The following PIAS2 variants were observed in gnomAD, a reference collection of about 807,000 sequenced individuals.
PIAS2 encodes the protein E3 SUMO-protein ligase PIAS2.
A neutral mutation model predicts 69.7 loss-of-function variants in PIAS2; 19 were observed. That is an observed-to-expected ratio of 0.27 (90% confidence interval 0.19 to 0.40). The LOEUF (loss-of-function observed/expected upper bound fraction) is 0.40. Among genes scored for constraint, PIAS2 ranks in the 10% least tolerant of loss-of-function variants. PIAS2 has a pLI of 1.00. For synonymous variants in PIAS2, 261 were observed against 263.2 expected, an observed-to-expected ratio of 0.99 and a Z score of 0.08; for missense variants, 624 against 757.0, an observed-to-expected ratio of 0.82 and a Z score of 2.06.
intron 1 of PIAS2, among the ~76,000 whole-genome samples, chr18:46,898,982 G>A (rs2055346105): frequency 6.8e-6 from 1 of 147,704 alleles, no homozygotes. Flanking sequence ...GTGACAGAGT[G>A]AGACTCCATC....
intron 8 of PIAS2, among the ~76,000 whole-genome samples, chr18:46,840,540 C>G (rs953295958): frequency 6.6e-6 from 1 of 152,200 alleles, no homozygotes; most frequent in African/African-American, 2.4e-5. Flanking sequence ...TTCCATCTCT[C>G]CTGTCACAGC....
At chr18:46,916,858 AGAG>A (rs2146386510) in intron 1 of PIAS2, 1 of 985,508 alleles carries the variant, frequency 1.0e-6, no homozygotes, top group East Asian at 1.1e-4. Context: ...AGCCATAAGA[AGAG>A]GAGAGATTCC....
intron 1 of PIAS2, chr18:46,916,880 A>C (rs1194198581): frequency 1.0e-6 from 1 of 985,388 alleles, no homozygotes; most frequent in Non-Finnish European, 1.2e-6. Context: ...CCTAAACGCA[A>C]CTTCAGCTTT....
At chr18:46,896,165 C>CAAAAAAAAAAAAAAAAAAAAATAAA (rs1199712335) in intron 1 of PIAS2, among the ~76,000 whole-genome samples, 1 of 31,952 alleles carries the variant, frequency 3.1e-5, no homozygotes. Flanking sequence ...AAGAAAAAAG[C>CAAAAAAAAAAAAAAAAAAAAATAAA]AAAAAAAAAA....
chr18:46,900,587 G>T (rs181054530), intron 1 of PIAS2, among the ~76,000 whole-genome samples: 22 of 152,152 alleles, frequency 1.4e-4, no homozygotes, highest in Admixed American at 2.6e-4. Flanking sequence ...TGAGGCAGGA[G>T]GATACCCTGG....
intron 10 of PIAS2, among the ~76,000 whole-genome samples, chr18:46,828,614 T>C (rs2043149949): frequency 6.6e-6 from 1 of 152,108 alleles, no homozygotes; most frequent in South Asian, 2.1e-4. Context: ...TCAAAGAAAG[T>C]ACAGACTTTT....
chr18:46,861,354 G>C (rs1045033365), intron 3 of PIAS2, among the ~76,000 whole-genome samples: 1 of 152,188 alleles, frequency 6.6e-6, no homozygotes, highest in East Asian at 1.9e-4. Context: ...CAGAACACAA[G>C]AATGTTTTTG....
At chr18:46,833,981 G>A (rs1166240384) in intron 9 of PIAS2, among the ~76,000 whole-genome samples, 1 of 151,696 alleles carries the variant, frequency 6.6e-6, no homozygotes. Context: ...TCCTCCCACA[G>A]TGTCATTCCT....
chr18:46,886,351 TAAC>T (rs2053181592), intron 2 of PIAS2, among the ~76,000 whole-genome samples: 1 of 152,196 alleles, frequency 6.6e-6, no homozygotes, highest in Non-Finnish European at 1.5e-5. Context: ...AAATTTATAA[TAAC>T]TGCTGGGACA....
intron 1 of PIAS2, among the ~76,000 whole-genome samples, chr18:46,901,842 G>A (rs765960993): frequency 5.3e-5 from 8 of 152,170 alleles, no homozygotes; most frequent in Non-Finnish European, 1.0e-4. Flanking sequence ...CGGAAAGATT[G>A]CTTTCCCTCT....
At chr18:46,840,142 C>T (rs2045139925) in intron 8 of PIAS2, among the ~76,000 whole-genome samples, 1 of 151,164 alleles carries the variant, frequency 6.6e-6, no homozygotes, top group African/African-American at 2.4e-5. Flanking sequence ...GCCTGGATGA[C>T]AGAGCAAGAC....
chr18:46,915,983 A>T (rs2057813235), intron 1 of PIAS2, among the ~76,000 whole-genome samples: 1 of 152,208 alleles, frequency 6.6e-6, no homozygotes, highest in South Asian at 2.1e-4. Context: ...AAAGCTCTAC[A>T]GCTGGGGCTC....
intron 8 of PIAS2, among the ~76,000 whole-genome samples, chr18:46,841,893 A>T (rs576667015): frequency 6.6e-6 from 1 of 152,314 alleles, no homozygotes; most frequent in East Asian, 1.9e-4. Context: ...CTATTCTTAC[A>T]TAGAAGGAAT....
Position 46,864,256 on chromosome 18 carries a change from GA to G in PIAS2, c.500-9del, listed in dbSNP as rs540618983. 0.026 allele frequency: 28,336 copies of G among 1,108,318 alleles called. 1 individual carries two copies. The highest frequency in any genetic ancestry group is 0.038 in the South Asian group (2,034 of 54,084). The allele number at this position is 1,108,318 out of a possible 1,614,324, so 68.7% of individuals were successfully genotyped here. ...GCTGAATACTGCTTTGAACTGGGAAGAAAAAAAAAAAGAAAGATAATATTTC... is the reference window on the plus strand; with the variant it reads ...GCTGAATACTGCTTTGAACTGGGAAGAAAAAAAAAAGAAAGATAATATTTC... On this transcript the variant is annotated splice_polypyrimidine_tract_variant and intron_variant, in intron 2 of 13. Coordinates refer to ENST00000585916, the MANE Select transcript of PIAS2 (RefSeq NM_004671.5).
chr18:46,896,165 C>CAAAAAAAAAAAAAAAAAAAA (rs1199712335), intron 1 of PIAS2, among the ~76,000 whole-genome samples: 1 of 31,950 alleles, frequency 3.1e-5, no homozygotes, highest in Non-Finnish European at 6.2e-5. Flanking sequence ...AAGAAAAAAG[C>CAAAAAAAAAAAAAAAAAAAA]AAAAAAAAAA....
intron 5 of PIAS2, 53 bp from the exon 6 acceptor site, chr18:46,846,894 C>T (rs945787668): frequency 1.4e-6 from 2 of 1,481,170 alleles, no homozygotes; most frequent in African/African-American, 1.4e-5. Flanking sequence ...GAAGATTAAA[C>T]ATTTTCTCCA....
intron 2 of PIAS2, among the ~76,000 whole-genome samples, chr18:46,870,812 G>A (rs181186307): frequency 4.6e-5 from 7 of 152,140 alleles, no homozygotes; most frequent in South Asian, 2.1e-4. Flanking sequence ...GTCTGGGAAC[G>A]TGAACATCCT....
At chr18:46,901,817 A>G (rs1407353569) in intron 1 of PIAS2, among the ~76,000 whole-genome samples, 2 of 152,352 alleles carry the variant, frequency 1.3e-5, no homozygotes, top group Non-Finnish European at 2.9e-5. Context: ...AATTAAGCCA[A>G]TATTATACTC....
intron 1 of PIAS2, among the ~76,000 whole-genome samples, chr18:46,906,762 A>ATG (rs36074552): frequency 0.33 from 32,711 of 100,312 alleles, 6,811 homozygotes; most frequent in Middle Eastern, 0.43. Context: ...AACAAGATGT[A>ATG]TGTGTGTGTG....
Sources: allele counts gnomAD v4.1 joint callset (sites outside exome capture counted in the v4.1 genomes callset), GRCh38; gene constraint gnomAD v4.1.1; transcripts MANE v1.5; gene names NCBI Gene and HGNC (gene_info 2026-07-23, HGNC 2026-07-21).